The following BICDL2 variants were observed in gnomAD, a reference collection of about 807,000 sequenced individuals.
The protein encoded by BICDL2 is BICD family-like cargo adapter 2.
BICDL2 carries 62 observed loss-of-function variants against 56.6 expected under a neutral mutation model. The ratio of observed to expected loss-of-function variants is 1.10; its 90% CI spans 0.89 to 1.35. BICDL2 has a LOEUF of 1.35. BICDL2 is among the 40% of genes most tolerant of loss of function. BICDL2 has a pLI of 0.00. For synonymous variants in BICDL2, 358 were observed against 319.8 expected, an observed-to-expected ratio of 1.12 and a Z score of -1.27; for missense variants, 808 against 684.5, an observed-to-expected ratio of 1.18 and a Z score of -2.01.
rs531716631 is a variant in BICDL2 at position 3,035,620 on chromosome 16, G to A, written c.-30-94C>T. The A allele has an allele frequency of 1.2e-4, 144 of 1,165,118 alleles. 5 individuals are homozygous for A. The South Asian group carries it at 2.0e-3, about 16-fold the overall frequency. The allele number at this position is 1,165,118 out of a possible 1,614,324, so 72.2% of individuals were successfully genotyped here. On this transcript the variant is annotated intron_variant, in intron 1 of 9. Transcript: ENST00000572449. ...TTCTCCACCTGCTGCCAGCCTGCCC[G>A]GTCCTGCAGCCAGGGCTTCCTGGGC... is the stretch of plus-strand genomic sequence containing the variant.
In BICDL2 at chr16:3,028,417, G is replaced by T. The variant is rs779222347; in HGVS notation, c.1290C>A (p.Ser430=). The change falls in exon 9 of 10, where the codon TCC becomes TCA. Residue 430 remains serine, a synonymous_variant. Coordinates refer to ENST00000572449, the MANE Select transcript of BICDL2 (RefSeq NM_001369667.1). ...QLNRVSLERD[S]LSRELLRAIR... is the part of the protein sequence containing the mutation. Reference sequence around the variant, plus strand: ...TGGCGCGCAGCAGCTCCCGAGACAGGGAGTCTCGCTCCAGCGAGACGCGGT... The same window carrying T: ...TGGCGCGCAGCAGCTCCCGAGACAGTGAGTCTCGCTCCAGCGAGACGCGGT... 1.3e-6 allele frequency: 2 copies of T among 1,558,794 alleles called. No homozygotes were observed. The highest frequency in any genetic ancestry group is 4.7e-5 in the East Asian group (2 of 42,676).
chr16:3,029,818 C>A (rs989311723), intron 5 of BICDL2, 79 bp from the exon 6 acceptor site: 2 of 1,265,808 alleles, frequency 1.6e-6, no homozygotes, highest in Non-Finnish European at 2.1e-6. Flanking sequence ...CAGGTCCACA[C>A]GGGGGTGCCG....
chr16:3,035,176 T>TGGGCCCGGGGGGGGGGGGGGG, intron 2 of BICDL2, 39 bp downstream of exon 2: 1 of 136,274 alleles, frequency 7.3e-6, no homozygotes, highest in Non-Finnish European at 1.4e-5. Flanking sequence ...CGTCCTCCCC[T>TGGGCCCGGGGGGGGGGGGGGG]GCCCACCCAC....
chr16:3,033,895 C>A (rs1459585713), intron 2 of BICDL2, among the ~76,000 whole-genome samples: 1 of 152,062 alleles, frequency 6.6e-6, no homozygotes, highest in Admixed American at 6.6e-5. Flanking sequence ...GGCATGGAAT[C>A]GAGTGCGTGG....
At chr16:3,034,683 TCC>T in intron 2 of BICDL2, among the ~76,000 whole-genome samples, 1 of 140,156 alleles carries the variant, frequency 7.1e-6, no homozygotes, top group African/African-American at 2.7e-5. Flanking sequence ...CTTCCTTCCT[TCC>T]TTCCTTCCCC....
chr16:3,036,704 G>C (rs1049150323), intron 1 of BICDL2, 190 bp downstream of exon 1: 55 of 441,516 alleles, frequency 1.2e-4, no homozygotes, highest in Middle Eastern at 5.0e-4. Flanking sequence ...TCCAGCCCCA[G>C]GCGTCGGAAG....
Position 3,029,338 on chromosome 16 carries a change from A to C in BICDL2, c.1049T>G (p.Leu350Arg), listed in dbSNP as rs910758581. ...CTCCTCCAGTATCTCCGCTGGACTG[A>C]GGGATGTTCGCTTCTTGGGGGGCTC... The part of the protein sequence containing the change: ...ILEPPKKRTS[L>R]SPAEILEEKE... The change falls in exon 7 of 10, where the codon CTC becomes CGC. Residue 350 changes from leucine (L) to arginine (R), a missense_variant. Leu to Arg is a moderately radical substitution (Grantham distance 102, BLOSUM62 -2). Coordinates refer to ENST00000572449, the MANE Select transcript of BICDL2 (RefSeq NM_001369667.1). 9 of 1,603,774 alleles carry C rather than the reference A, an allele frequency of 5.6e-6. No individual in the cohort carries two copies. The African/African-American group carries it at 9.8e-5, about 17-fold the overall frequency.
At chr16:3,034,148 G>T (rs1239496201) in intron 2 of BICDL2, among the ~76,000 whole-genome samples, 1 of 152,226 alleles carries the variant, frequency 6.6e-6, no homozygotes, top group Non-Finnish European at 1.5e-5. Flanking sequence ...ACTCAGCCCA[G>T]TGCCAGGCAA....
chr16:3,033,086 C>T (rs1272716649), intron 2 of BICDL2: 1 of 151,954 alleles, frequency 6.6e-6, no homozygotes, highest in Non-Finnish European at 1.5e-5. Context: ...AAGTGGATCG[C>T]CTGAGGTCAG....
At chr16:3,036,630 G>T in intron 1 of BICDL2, 1 of 450,708 alleles carries the variant, frequency 2.2e-6, no homozygotes, top group Non-Finnish European at 4.4e-6. Flanking sequence ...CTCCACGCGA[G>T]AGACAGGGAC....
rs1359815172 is a variant in BICDL2 at position 3,029,356 on chromosome 16, G to C, written c.1031C>G (p.Pro344Arg). ...PSPPEEILEP[P>R]KKRTSLSPAE... ...TGGACTGAGGGATGTTCGCTTCTTG[G>C]GGGGCTCTAAGATCTCTTCCGGGGG... The change falls in exon 7 of 10, where the codon CCC becomes CGC. Residue 344 changes from proline (P) to arginine (R), a missense_variant. Transcript: ENST00000572449. 2 of 1,610,782 alleles carry C rather than the reference G, an allele frequency of 1.2e-6. No homozygotes were observed. Among genetic ancestry groups the C allele is most frequent in the Non-Finnish European group, 1.7e-6 (2 of 1,179,442 alleles).
At chr16:3,033,311 A>T (rs1955682983) in intron 2 of BICDL2, among the ~76,000 whole-genome samples, 1 of 151,978 alleles carries the variant, frequency 6.6e-6, no homozygotes, top group Non-Finnish European at 1.5e-5. Context: ...TGTAAATAAC[A>T]ACAATAATAA....
Position 3,028,448 on chromosome 16 carries a change from T to C in BICDL2, c.1259A>G (p.Gln420Arg), listed in dbSNP as rs770590442. Residue 420 changes from glutamine to arginine, a missense_variant, in exon 9 of 10, where the codon CAG (glutamine) becomes CGG (arginine). Gln to Arg is a conservative substitution (Grantham distance 43). Transcript: ENST00000572449. The stretch of plus-strand genomic sequence containing the variant: ...TCGCTCCAGCGAGACGCGGTTGAGC[T>C]GCAGGGACAGCTCCAGGGCCCTAGG... ...AVNKALELSL[Q>R]LNRVSLERDS... 6.4e-7 allele frequency: 1 copy of C among 1,568,460 alleles called. No homozygotes were observed. Among genetic ancestry groups the C allele is most frequent in the South Asian group, 1.1e-5 (1 of 87,256 alleles).
intron 1 of BICDL2, 159 bp downstream of exon 1, chr16:3,036,735 C>A: frequency 2.4e-6 from 1 of 422,822 alleles, no homozygotes; most frequent in Admixed American, 2.7e-5. Flanking sequence ...CGGCTGGGCT[C>A]ACCCCCGACG....
chr16:3,035,384 A>C lies in BICDL2; in HGVS notation c.113T>G (p.Leu38Arg), dbSNP rs1271904556. The C allele has an allele frequency of 1.2e-6, 2 of 1,609,350 alleles. No homozygotes were observed. The change falls in exon 2 of 10, where the codon CTG (leucine) becomes CGG (arginine). Residue 38 changes from leucine (L) to arginine (R), a missense_variant. Physicochemically the swap from Leu to Arg is moderately radical, Grantham distance 102. Coordinates refer to ENST00000572449, the MANE Select transcript of BICDL2 (RefSeq NM_001369667.1). Reference protein sequence around the residue: ...PFVLERRDSFLGGGPGPEEPE... With the variant: ...PFVLERRDSFRGGGPGPEEPE... ...CTCCTCAGGCCCTGGGCCCCCTCCC[A>C]GGAATGAGTCCCGCCGCTCCAGCAC...
chr16:3,032,211 G>C (rs1955667431), intron 2 of BICDL2: 1 of 152,318 alleles, frequency 6.6e-6, no homozygotes, highest in South Asian at 2.1e-4. Context: ...TGGGATTACA[G>C]GCATGAGACA....
intron 9 of BICDL2, 37 bp from the exon 10 acceptor site, chr16:3,028,310 C>T (rs754912166): frequency 1.3e-6 from 2 of 1,536,176 alleles, no homozygotes; most frequent in South Asian, 1.2e-5. Flanking sequence ...GCCGGTCCCG[C>T]CCCTTGCCCC....
At chr16:3,036,625 C>A (rs566750654) in intron 1 of BICDL2, 89 of 451,448 alleles carry the variant, frequency 2.0e-4, no homozygotes, top group African/African-American at 1.7e-3. Flanking sequence ...CCCCCCTCCA[C>A]GCGAGAGACA....
intron 7 of BICDL2, 21 bp from the exon 8 acceptor site, chr16:3,028,851 C>A: frequency 6.5e-7 from 1 of 1,531,578 alleles, no homozygotes; most frequent in Non-Finnish European, 8.8e-7. Flanking sequence ...AGGAGGGGGG[C>A]CGTGCGGCAG....
Sources: allele counts gnomAD v4.1 joint callset (sites outside exome capture counted in the v4.1 genomes callset), GRCh38; gene constraint gnomAD v4.1.1; transcripts MANE v1.5; gene names NCBI Gene and HGNC (gene_info 2026-07-23, HGNC 2026-07-21).